Variants in S100Z observed in about 807,000 individuals in gnomAD.
The protein encoded by S100Z is S100 calcium binding protein Z, also known as protein S100-Z.
Under a neutral mutation model 8.5 loss-of-function variants are expected in S100Z, and 11 were observed. The observed-to-expected ratio is 1.30, with a 90% CI of 0.82 to 2.15. The LOEUF is 2.15. S100Z is among the 30% of genes most tolerant of loss of function. S100Z has a pLI of 0.00. For synonymous variants in S100Z, 34 were observed against 43.8 expected (o/e 0.78, Z 0.89); for missense variants, 126 against 117.9 (o/e 1.07, Z -0.32).
chr5:76,939,450 C>T, the S100Z span, among the ~76,000 whole-genome samples: 3 of 148,568 alleles, frequency 2.0e-5, no homozygotes, highest in Non-Finnish European at 4.5e-5. Context: ...CTGCGCCTGG[C>T]CTGGGGCTGC....
At chr5:76,935,317 C>T in the S100Z span, among the ~76,000 whole-genome samples, 1 of 152,180 alleles carries the variant, frequency 6.6e-6, no homozygotes, top group African/African-American at 2.4e-5. Flanking sequence ...TTTATCAAAC[C>T]TGCCAAAGAG....
chr5:76,859,768 C>CAA (rs70982653), intron 1 of S100Z, among the ~76,000 whole-genome samples: 7 of 97,652 alleles, frequency 7.2e-5, no homozygotes, highest in African/African-American at 1.2e-4. Flanking sequence ...GCAACAGAGC[C>CAA]AAAAAAAAAA....
intron 4 of S100Z, among the ~76,000 whole-genome samples, chr5:76,905,353 T>A (rs1744389757): frequency 6.6e-6 from 1 of 151,954 alleles, no homozygotes; most frequent in African/African-American, 2.4e-5. Flanking sequence ...TGAAAATTTT[T>A]TTACAATTTT....
chr5:76,861,391 G>A (rs113182735), intron 1 of S100Z, among the ~76,000 whole-genome samples: 29 of 151,904 alleles, frequency 1.9e-4, no homozygotes, highest in African/African-American at 6.3e-4. Flanking sequence ...CCAGGCTGGA[G>A]TGAGGTGGCG....
At chr5:76,895,703 ATTAAG>A (rs1267290252) in intron 4 of S100Z, among the ~76,000 whole-genome samples, 1 of 150,480 alleles carries the variant, frequency 6.6e-6, no homozygotes, top group African/African-American at 2.4e-5. Flanking sequence ...ATCCAATTAC[ATTAAG>A]TTATTTTAAA....
At chr5:76,895,765 CTTTTTTTTT>C (rs57723242) in intron 4 of S100Z, among the ~76,000 whole-genome samples, 4 of 88,372 alleles carry the variant, frequency 4.5e-5, no homozygotes, top group African/African-American at 1.5e-4. Context: ...TCTTTTCTTC[CTTTTTTTTT>C]TTTTTTTTTT....
chr5:76,852,919 G>A (rs1750770955), intron 1 of S100Z, among the ~76,000 whole-genome samples: 1 of 152,104 alleles, frequency 6.6e-6, no homozygotes, highest in Admixed American at 6.6e-5. Context: ...AGTATCCATG[G>A]GATGACTGCT....
At chr5:76,895,125 C>G (rs956465862) in intron 4 of S100Z, among the ~76,000 whole-genome samples, 2 of 152,122 alleles carry the variant, frequency 1.3e-5, no homozygotes, top group African/African-American at 4.8e-5. Flanking sequence ...TAAAATGACC[C>G]TAGCACCTAG....
intron 1 of S100Z, among the ~76,000 whole-genome samples, chr5:76,863,669 G>T (rs1291387269): frequency 6.6e-6 from 1 of 151,942 alleles, no homozygotes; most frequent in African/African-American, 2.4e-5. Flanking sequence ...CTCCCAAGTA[G>T]CTGGGACTAC....
downstream of S100Z, among the ~76,000 whole-genome samples, chr5:76,925,159 T>TAGAG (rs3060357): frequency 0.16 from 23,870 of 151,072 alleles, 2,250 homozygotes; most frequent in Non-Finnish European, 0.21. Context: ...AGTGGCTAGA[T>TAGAG]AGAGAGAGAG....
At chr5:76,920,300 G>A (rs1220940667) in intron 4 of S100Z, among the ~76,000 whole-genome samples, 1 of 152,148 alleles carries the variant, frequency 6.6e-6, no homozygotes, top group Non-Finnish European at 1.5e-5. Flanking sequence ...TACCAGGTGT[G>A]ATTTGCCATT....
intron 1 of S100Z, among the ~76,000 whole-genome samples, chr5:76,850,493 G>A (rs1361746219): frequency 1.3e-5 from 2 of 152,208 alleles, no homozygotes; most frequent in Non-Finnish European, 2.9e-5. Flanking sequence ...CTCACCTTGA[G>A]AAATTCAAGT....
rs543080363 is a variant in S100Z, at chr5:76,877,694, G to A, written c.162G>A (p.Leu54=). The A allele has an allele frequency of 1.2e-6, 2 of 1,607,044 alleles. No individual in the cohort carries two copies. Among genetic ancestry groups the A allele is most frequent in the Non-Finnish European group, 1.7e-6 (2 of 1,175,144 alleles). Residue 54 remains leucine (L), a synonymous_variant, in exon 4 of 5, where the codon TTG becomes TTA. Transcript: ENST00000317593. ...TTTAGTGCCAAAAGGAAACCCAGTTGGTTGATAAGATAGTGCAGGACCTGG... is the reference window on the plus strand; with the variant it reads ...TTTAGTGCCAAAAGGAAACCCAGTTAGTTGATAAGATAGTGCAGGACCTGG... ...EFLSCQKETQ[L]VDKIVQDLDA...
At position 76,870,152 on chromosome 5, in the gene S100Z, T is replaced by A. The variant is rs1176797717; in HGVS notation, c.-175-14T>A. On this transcript the variant is annotated splice_polypyrimidine_tract_variant and intron_variant, in intron 1 of 4. Coordinates refer to ENST00000317593, the MANE Select transcript of S100Z (RefSeq NM_130772.4). ...AAACGTAAAAAGACGTATTTACTCA[T>A]TTCTGCTTGCCAGTGTAATTTCACA... 1 of 152,216 alleles carries A rather than the reference T, an allele frequency of 6.6e-6. No individual in the cohort carries two copies. The highest frequency in any genetic ancestry group is 1.5e-5 in the Non-Finnish European group (1 of 68,054). The allele number at this position is 152,216 out of a possible 1,614,324, so 9.4% of individuals were successfully genotyped here.
In S100Z at chr5:76,921,598, C is replaced by T. The variant is rs1745037308; in HGVS notation, c.*884C>T. 1 of 152,200 alleles carries T rather than the reference C, an allele frequency of 6.6e-6. No homozygotes were observed. The highest frequency in any genetic ancestry group is 2.4e-5 in the African/African-American group (1 of 41,452). The allele number at this position is 152,200 out of a possible 1,614,324, so 9.4% of individuals were successfully genotyped here. ...ATTCAAAAACCACGATGTCCTTTTA[C>T]TTGAAGATTTTAAAAGGAAATGATT... On this transcript the variant is annotated 3_prime_UTR_variant, in exon 5 of 5. Transcript: ENST00000317593.
chr5:76,929,294 T>C, the S100Z span, among the ~76,000 whole-genome samples: 1 of 152,188 alleles, frequency 6.6e-6, no homozygotes, highest in East Asian at 1.9e-4. Context: ...CTGAAAAAAG[T>C]TTGCAAATGA....
the S100Z span, among the ~76,000 whole-genome samples, chr5:76,928,961 C>T: frequency 5.1e-4 from 78 of 152,330 alleles, no homozygotes; most frequent in Non-Finnish European, 8.5e-4. Flanking sequence ...AGGCTGGTCT[C>T]GAACTCCGGG....
the S100Z span, among the ~76,000 whole-genome samples, chr5:76,939,859 T>TA: frequency 1.3e-5 from 2 of 151,790 alleles, no homozygotes; most frequent in Non-Finnish European, 2.9e-5. Context: ...CTGACTCCTT[T>TA]AAAAAATCAG....
chr5:76,916,532 CA>C (rs562923963), intron 4 of S100Z, among the ~76,000 whole-genome samples: 7,057 of 88,586 alleles, frequency 0.08, 421 homozygotes, highest in African/African-American at 0.2. Context: ...TGTCCTAGGC[CA>C]AAAAAAAAAA....
Sources: allele counts gnomAD v4.1 joint callset (sites outside exome capture counted in the v4.1 genomes callset), GRCh38; gene constraint gnomAD v4.1.1; transcripts MANE v1.5; gene names NCBI Gene and HGNC (gene_info 2026-07-23, HGNC 2026-07-21).